The following ELP4 variants were observed in gnomAD, a reference collection of about 807,000 sequenced individuals.
ELP4 encodes the protein elongator complex protein 4.
Under a neutral mutation model 48.9 loss-of-function variants are expected in ELP4, and 51 were observed. The observed-to-expected ratio is 1.04, with a 90% CI of 0.83 to 1.32. The LOEUF is 1.32. Among genes scored for constraint, ELP4 ranks in the 40% most tolerant of loss-of-function variants. The pLI, the probability that ELP4 is intolerant of heterozygous loss-of-function variation, is 0.00. For synonymous variants in ELP4, 210 were observed against 189.2 expected (o/e 1.11, Z -0.90); for missense variants, 519 against 514.6 (o/e 1.01, Z -0.08).
At chr11:31,742,218 C>T (rs1419566623) in intron 9 of ELP4, among the ~76,000 whole-genome samples, 1 of 152,176 alleles carries the variant, frequency 6.6e-6, no homozygotes. Context: ...AAGAAACGAA[C>T]AAAGCCTACA....
At chr11:31,630,089 A>G (rs575753966) in intron 6 of ELP4, among the ~76,000 whole-genome samples, 6 of 152,136 alleles carry the variant, frequency 3.9e-5, no homozygotes, top group African/African-American at 1.2e-4. Context: ...GGATGATAAC[A>G]TAGGGTGTCT....
intron 5 of ELP4, among the ~76,000 whole-genome samples, chr11:31,625,306 CTG>C (rs945299167): frequency 7.3e-5 from 11 of 151,632 alleles, no homozygotes; most frequent in African/African-American, 2.7e-4. Context: ...CAGTGCATGA[CTG>C]TATATCTAAA....
At chr11:31,544,176 G>A (rs548385093) in intron 3 of ELP4, among the ~76,000 whole-genome samples, 8 of 152,356 alleles carry the variant, frequency 5.3e-5, no homozygotes, top group Middle Eastern at 3.4e-3. Flanking sequence ...TGCACCATGC[G>A]CAAGCCGAAG....
intron 9 of ELP4, among the ~76,000 whole-genome samples, chr11:31,720,601 T>C (rs1413495444): frequency 1.3e-5 from 2 of 152,204 alleles, no homozygotes. Context: ...AGTTTTCTGA[T>C]AGAATTTGAA....
At chr11:31,752,481 A>G (rs1206502838) in intron 9 of ELP4, among the ~76,000 whole-genome samples, 1 of 152,192 alleles carries the variant, frequency 6.6e-6, no homozygotes, top group Admixed American at 6.5e-5. Context: ...TCTATTTTGC[A>G]TTGTTACTAG....
intron 3 of ELP4, among the ~76,000 whole-genome samples, chr11:31,592,194 C>G (rs1957591420): frequency 6.6e-6 from 1 of 152,020 alleles, no homozygotes; most frequent in Non-Finnish European, 1.5e-5. Flanking sequence ...TAAAAATTAC[C>G]AAATTTTTTA....
intron 9 of ELP4, among the ~76,000 whole-genome samples, chr11:31,655,220 GA>G (rs949594927): frequency 6.6e-6 from 1 of 151,790 alleles, no homozygotes; most frequent in Admixed American, 6.6e-5. Context: ...AGGTTTCAAA[GA>G]ATCATCAGAA....
At chr11:31,744,645 A>T (rs973793664) in intron 9 of ELP4, among the ~76,000 whole-genome samples, 1 of 152,246 alleles carries the variant, frequency 6.6e-6, no homozygotes, top group Admixed American at 6.5e-5. Flanking sequence ...AAACCACATG[A>T]TTATCTCAAT....
intron 3 of ELP4, among the ~76,000 whole-genome samples, chr11:31,592,138 A>G (rs1036908039): frequency 7.2e-5 from 11 of 152,088 alleles, no homozygotes; most frequent in Non-Finnish European, 1.3e-4. Flanking sequence ...TTTTTGGGGG[A>G]CTGATGAAGG....
chr11:31,588,789 C>T (rs2133981688), intron 3 of ELP4, among the ~76,000 whole-genome samples: 1 of 152,172 alleles, frequency 6.6e-6, no homozygotes, highest in South Asian at 2.1e-4. Context: ...TCAAGACCAG[C>T]CTGGCCAACA....
At chr11:31,736,415 G>A (rs1356831550) in intron 9 of ELP4, among the ~76,000 whole-genome samples, 3 of 152,018 alleles carry the variant, frequency 2.0e-5, no homozygotes, top group Admixed American at 2.0e-4. Flanking sequence ...CATAGGCATG[G>A]GCAAGGACTT....
intron 9 of ELP4, among the ~76,000 whole-genome samples, chr11:31,695,453 A>T (rs1946380686): frequency 6.6e-6 from 1 of 151,958 alleles, no homozygotes; most frequent in Non-Finnish European, 1.5e-5. Flanking sequence ...TATACGATGG[A>T]TTACATTTAT....
chr11:31,601,198 TAA>T (rs1317670810), intron 4 of ELP4, among the ~76,000 whole-genome samples: 4,011 of 152,170 alleles, frequency 0.026, 164 homozygotes, highest in African/African-American at 0.091. Flanking sequence ...AGGAAATGTC[TAA>T]GTCTTTGTTT....
At position 31,632,132 on chromosome 11, in the gene ELP4, A is replaced by G. The variant is rs543020662; in HGVS notation, c.739-85A>G. On this transcript the variant is annotated intron_variant, in intron 6 of 9. Transcript: ENST00000640961. ...CTATTGACATTGTCTCCCTGATGTT[A>G]TAAAGATAAGAACTGACAGATAAAA... 70 of 1,126,542 alleles carry G rather than the reference A, an allele frequency of 6.2e-5. No homozygotes were observed. In the Admixed American group the frequency reaches 1.5e-3, roughly 25 times the overall value. The allele number at this position is 1,126,542 out of a possible 1,614,324, so 69.8% of individuals were successfully genotyped here.
At chr11:31,666,545 A>G (rs1374112305) in intron 9 of ELP4, among the ~76,000 whole-genome samples, 1 of 151,986 alleles carries the variant, frequency 6.6e-6, no homozygotes, top group Non-Finnish European at 1.5e-5. Context: ...TTCAAAAATT[A>G]GCCGGGTGTG....
intron 9 of ELP4, among the ~76,000 whole-genome samples, chr11:31,738,304 C>G (rs1947367427): frequency 6.7e-6 from 1 of 148,710 alleles, no homozygotes. Flanking sequence ...GTCCCAGCTA[C>G]TCAGGAGGCT....
At chr11:31,584,859 C>A (rs532667139) in intron 3 of ELP4, among the ~76,000 whole-genome samples, 136 of 152,158 alleles carry the variant, frequency 8.9e-4, no homozygotes, top group South Asian at 3.5e-3. Context: ...AGAATGATGA[C>A]CACCAATGAA....
chr11:31,716,493 T>C (rs955391779), intron 9 of ELP4, among the ~76,000 whole-genome samples: 7 of 152,234 alleles, frequency 4.6e-5, no homozygotes, highest in Admixed American at 1.3e-4. Flanking sequence ...ATAAGATTAA[T>C]ATGCAAAGTG....
intron 9 of ELP4, among the ~76,000 whole-genome samples, chr11:31,715,549 T>G (rs1336700069): frequency 2.0e-5 from 3 of 152,156 alleles, no homozygotes; most frequent in Non-Finnish European, 4.4e-5. Context: ...AGAAACAATT[T>G]CTAAATATTA....
Sources: gnomAD v4.1 joint callset for allele counts (sites outside exome capture counted in the v4.1 genomes callset) on GRCh38, gnomAD v4.1.1 for gene constraint, MANE v1.5 for transcripts, NCBI Gene and HGNC (gene_info 2026-07-23, HGNC 2026-07-21) for gene names.